GATAD2B: variants seen among roughly 807,000 people sequenced by gnomAD.
GATAD2B encodes transcriptional repressor p66-beta.
GATAD2B carries 8 observed loss-of-function variants against 64.3 expected under a neutral mutation model. The observed-to-expected ratio is 0.12, with a 90% CI of 0.07 to 0.22. GATAD2B has a LOEUF of 0.22. Among genes scored for constraint, GATAD2B ranks in the 10% least tolerant of loss-of-function variants. The probability of loss-of-function intolerance (pLI) is 1.00; values close to 1 mark genes in which losing one functional copy is unlikely to be tolerated. For missense variants in GATAD2B, 453 were observed against 752.0 expected (o/e 0.60, Z 4.65); for synonymous variants, 281 against 271.3 (o/e 1.04, Z -0.35).
At position 153,828,209 on chromosome 1, in the gene GATAD2B, C is replaced by T; in HGVS notation, c.139G>A (p.Ala47Thr). 1 of 1,614,218 alleles carries T rather than the reference C, an allele frequency of 6.2e-7. No individual in the cohort carries two copies. The highest frequency in any genetic ancestry group is 8.5e-7 in the Non-Finnish European group (1 of 1,180,030). The change falls in exon 2 of 11, where the codon GCA becomes ACA. Residue 47 changes from alanine to threonine, a missense_variant. Physicochemically the swap from Ala to Thr is moderately conservative, Grantham distance 58 (BLOSUM62 0). Coordinates refer to ENST00000368655, the MANE Select transcript of GATAD2B (RefSeq NM_020699.4). ...GCCAAATCCTTCCTTTTGAGCAATG[C>T]CAACATTTTCAGACGTTCCATGGCC... is the stretch of plus-strand genomic sequence containing the variant. ...HEAMERLKML[A>T]LLKRKDLANL...
chr1:153,827,980 C>A (rs755014681), intron 2 of GATAD2B, 33 bp downstream of exon 2: 4 of 1,516,900 alleles, frequency 2.6e-6, no homozygotes, highest in Non-Finnish European at 3.7e-6. Flanking sequence ...ATGAGACGAC[C>A]CTATCCCTGG....
At chr1:153,866,573 C>T (rs1359316232) in intron 1 of GATAD2B, among the ~76,000 whole-genome samples, 1 of 152,116 alleles carries the variant, frequency 6.6e-6, no homozygotes, top group Non-Finnish European at 1.5e-5. Flanking sequence ...CTAATGCTTC[C>T]TATTATCAAT....
In GATAD2B at chr1:153,908,482, CT is replaced by C. The variant is rs35572683; in HGVS notation, c.-2+14250del. On this transcript the variant is annotated intron_variant, in intron 1 of 10. Coordinates refer to ENST00000368655, the MANE Select transcript of GATAD2B (RefSeq NM_020699.4). Reference sequence around the variant, plus strand: ...AGGACTTTTTGACACCAGAAACATACTTTTTTTTTTTTTGAGACGGAGTTTC... The same window carrying C: ...AGGACTTTTTGACACCAGAAACATACTTTTTTTTTTTTGAGACGGAGTTTC... Among the ~76,000 whole-genome samples, 513 of 146,438 alleles carry C rather than the reference CT, an allele frequency of 3.5e-3. 1 individual carries two copies. The highest frequency in any genetic ancestry group is 5.7e-3 in the African/African-American group (231 of 40,248).
In GATAD2B at chr1:153,859,498, T is replaced by C. The variant is rs1479426218; in HGVS notation, c.-1-31150A>G. 3.9e-5 allele frequency among the ~76,000 whole-genome samples: 6 copies of C among 151,920 alleles called. No homozygotes were observed. In the South Asian group the frequency reaches 8.3e-4, roughly 21 times the overall value. ...CAGCCTGGCCAACACAGTGAAACCC[T>C]GTCTCTACTAAAAATACAAAAATTA... On this transcript the variant is annotated intron_variant, in intron 1 of 10. Coordinates refer to ENST00000368655, the MANE Select transcript of GATAD2B (RefSeq NM_020699.4).
At position 153,818,103 on chromosome 1, in the gene GATAD2B, T is replaced by C. The variant is rs770039837; in HGVS notation, c.666A>G (p.Leu222=). The C allele has an allele frequency of 1.2e-6, 2 of 1,613,098 alleles. No homozygotes were observed. Among genetic ancestry groups the C allele is most frequent in the South Asian group, 1.1e-5 (1 of 91,014 alleles). Residue 222 remains leucine (L), a synonymous_variant, in exon 5 of 11, where the codon CTA becomes CTG. Transcript: ENST00000368655. ...CCCCAGGCCGAGAGGGAAGCTTAGA[T>C]AGGCCCTGCTGTCCCACATGGGCAG... The part of the protein sequence containing the change: ...PSPAHVGQQG[L]SKLPSRPGAQ...
chr1:153,868,078 G>A (rs957145518), intron 1 of GATAD2B, among the ~76,000 whole-genome samples: 1 of 151,912 alleles, frequency 6.6e-6, no homozygotes, highest in African/African-American at 2.4e-5. Context: ...GTGCACACCT[G>A]TAGTCCCAGC....
At chr1:153,902,834 T>C (rs566447447) in intron 1 of GATAD2B, among the ~76,000 whole-genome samples, 2 of 152,328 alleles carry the variant, frequency 1.3e-5, no homozygotes, top group African/African-American at 4.8e-5. Context: ...CTAACGTACC[T>C]ATGTTTATAT....
At chr1:153,867,008 G>C (rs1249643228) in intron 1 of GATAD2B, among the ~76,000 whole-genome samples, 1 of 152,088 alleles carries the variant, frequency 6.6e-6, no homozygotes, top group Non-Finnish European at 1.5e-5. Context: ...TTGATCTCCT[G>C]ATCTAGTGAT....
chr1:153,892,163 CAAAAAAAAAAAA>C (rs900308080), intron 1 of GATAD2B, among the ~76,000 whole-genome samples: 3 of 50,336 alleles, frequency 6.0e-5, no homozygotes, highest in East Asian at 5.5e-4. Flanking sequence ...GACTCCGTCT[CAAAAAAAAAAAA>C]AAAAAAAAAA....
At chr1:153,902,663 C>T (rs567705766) in intron 1 of GATAD2B, among the ~76,000 whole-genome samples, 2 of 151,908 alleles carry the variant, frequency 1.3e-5, no homozygotes, top group Non-Finnish European at 2.9e-5. Context: ...ACTTTGTTGC[C>T]CACTCTGGTC....
At chr1:153,888,809 T>C (rs867705886) in intron 1 of GATAD2B, among the ~76,000 whole-genome samples, 17 of 152,170 alleles carry the variant, frequency 1.1e-4, no homozygotes, top group Non-Finnish European at 1.8e-4. Context: ...TCCCAGCTTA[T>C]CAACAGTTTC....
At chr1:153,825,239 A>G (rs1484992130) in intron 2 of GATAD2B, among the ~76,000 whole-genome samples, 1 of 152,236 alleles carries the variant, frequency 6.6e-6, no homozygotes, top group Non-Finnish European at 1.5e-5. Context: ...TATAAAAGCC[A>G]AGTAGGTTGC....
intron 1 of GATAD2B, among the ~76,000 whole-genome samples, chr1:153,899,419 T>C (rs1021123999): frequency 2.4e-4 from 37 of 151,934 alleles, no homozygotes; most frequent in African/African-American, 8.9e-4. Context: ...AAATACAAAA[T>C]AGCCACGCGT....
At chr1:153,905,775 A>C (rs1677907809) in intron 1 of GATAD2B, among the ~76,000 whole-genome samples, 1 of 150,218 alleles carries the variant, frequency 6.7e-6, no homozygotes, top group African/African-American at 2.4e-5. Flanking sequence ...TCTCAAACAA[A>C]AAAAAAAAAA....
chr1:153,875,113 AGT>A (rs941150533), intron 1 of GATAD2B, among the ~76,000 whole-genome samples: 4 of 151,762 alleles, frequency 2.6e-5, no homozygotes, highest in Non-Finnish European at 4.4e-5. Context: ...CCTGGGCTCA[AGT>A]GATCCTCTTG....
intron 1 of GATAD2B, among the ~76,000 whole-genome samples, chr1:153,839,295 C>T (rs367736027): frequency 7.0e-4 from 106 of 152,000 alleles, no homozygotes; most frequent in Non-Finnish European, 1.1e-3. Context: ...TAAACCAAAA[C>T]CTGGATTTGC....
intron 1 of GATAD2B, among the ~76,000 whole-genome samples, chr1:153,894,538 T>C (rs1677520967): frequency 6.6e-6 from 1 of 151,970 alleles, no homozygotes. Context: ...TAAACTACTT[T>C]TCTGTATGTA....
intron 1 of GATAD2B, among the ~76,000 whole-genome samples, chr1:153,900,993 C>A (rs1330129368): frequency 2.6e-5 from 4 of 152,038 alleles, no homozygotes; most frequent in African/African-American, 4.8e-5. Flanking sequence ...GTGGGTGGAT[C>A]ACTTGAGGTC....
At chr1:153,875,069 G>A (rs568570559) in intron 1 of GATAD2B, among the ~76,000 whole-genome samples, 92 of 151,840 alleles carry the variant, frequency 6.1e-4, no homozygotes, top group African/African-American at 2.2e-3. Flanking sequence ...GCAAAGATGG[G>A]GTCTTGTTGT....
Sources: gnomAD v4.1 joint callset for allele counts (sites outside exome capture counted in the v4.1 genomes callset) on GRCh38, gnomAD v4.1.1 for gene constraint, MANE v1.5 for transcripts, NCBI Gene and HGNC (gene_info 2026-07-23, HGNC 2026-07-21) for gene names.